CMC4: variants seen among roughly 807,000 people sequenced by gnomAD.
The protein encoded by CMC4 is C-X9-C motif containing 4.
CMC4 carries 4 observed loss-of-function variants against 5.1 expected under a neutral mutation model. That is an observed-to-expected ratio of 0.78 (90% CI 0.38 to 1.78). The LOEUF (loss-of-function observed/expected upper bound fraction) is 1.78. Among genes scored for constraint, CMC4 ranks in the 40% most tolerant of loss-of-function variants. The probability of loss-of-function intolerance (pLI) is 0.04; values close to 1 mark genes in which losing one functional copy is unlikely to be tolerated. For missense variants in CMC4, 52 were observed against 51.3 expected, an observed-to-expected ratio of 1.01 and a Z score of -0.04; for synonymous variants, 23 against 18.9, an observed-to-expected ratio of 1.22 and a Z score of -0.57.
At chrX:155,063,527 A>G (rs2073936305) in intron 2 of CMC4, among the ~76,000 whole-genome samples, 1 of 112,344 alleles carries the variant, frequency 8.9e-6, no homozygotes, top group South Asian at 3.6e-4. Flanking sequence ...TTCTGCCTTT[A>G]AGAGTTAGTT....
chrX:155,065,677 G>T (rs2124213429), intron 1 of CMC4: 1 of 1,209,665 alleles, frequency 8.3e-7, no homozygotes, highest in East Asian at 3.0e-5. Context: ...GCGCTCCTCC[G>T]GGTAGAGTTG....
chrX:155,067,543 G>A (rs2073953426), intron 1 of CMC4, among the ~76,000 whole-genome samples: 2 of 111,583 alleles, frequency 1.8e-5, no homozygotes, highest in Non-Finnish European at 3.8e-5. Context: ...TGCCTCCCTG[G>A]GCCTCTCTGC....
intron 1 of CMC4, chrX:155,064,922 A>C (rs2124212496): frequency 8.6e-6 from 1 of 116,325 alleles, no homozygotes; most frequent in South Asian, 3.3e-4. Flanking sequence ...CTGGAGCAAA[A>C]CCTAGGATAT....
chrX:155,070,344 G>A (rs1171987279), intron 1 of CMC4, among the ~76,000 whole-genome samples: 1 of 112,163 alleles, frequency 8.9e-6, no homozygotes, highest in African/African-American at 3.2e-5. Flanking sequence ...CATATATTGT[G>A]CTTTGATTTA....
intron 1 of CMC4, chrX:155,064,285 A>G (rs2073940256): frequency 4.5e-6 from 1 of 224,579 alleles, no homozygotes; most frequent in Non-Finnish European, 8.0e-6. Flanking sequence ...CTTTTTGAAT[A>G]CTGTAAACCA....
At chrX:155,063,126 T>C (rs2073934713) in intron 2 of CMC4, among the ~76,000 whole-genome samples, 1 of 112,420 alleles carries the variant, frequency 8.9e-6, no homozygotes. Context: ...TTGACTAAAA[T>C]GGCATTATTA....
At chrX:155,063,543 C>G (rs1557291776) in intron 2 of CMC4, among the ~76,000 whole-genome samples, 1 of 112,223 alleles carries the variant, frequency 8.9e-6, no homozygotes, top group East Asian at 2.8e-4. Context: ...TAGTTGATGA[C>G]TTTGGCAGCC....
chrX:155,064,314 C>T (rs1237685357), intron 1 of CMC4: 11 of 184,773 alleles, frequency 6.0e-5, no homozygotes, highest in Non-Finnish European at 3.0e-5. Flanking sequence ...CTAGAGGAGC[C>T]GACGGCGCAG....
At chrX:155,067,451 C>G (rs2073953067) in intron 1 of CMC4, among the ~76,000 whole-genome samples, 1 of 111,810 alleles carries the variant, frequency 8.9e-6, no homozygotes, top group Admixed American at 9.5e-5. Flanking sequence ...ACAACTACCA[C>G]TGCAGTTGAG....
intron 1 of CMC4, among the ~76,000 whole-genome samples, chrX:155,068,061 A>C (rs1199524807): frequency 8.9e-6 from 1 of 112,428 alleles, no homozygotes; most frequent in African/African-American, 3.2e-5. Context: ...TTAAATTCGG[A>C]TTTCAAGCAC....
intron 1 of CMC4, chrX:155,064,310 G>A: frequency 1.0e-5 from 2 of 192,143 alleles, no homozygotes; most frequent in African/African-American, 2.9e-5. Flanking sequence ...TAGGCTAGAG[G>A]AGCCGACGGC....
rs1320479515 is a variant in CMC4, at chrX:155,070,743, G to A, written c.-60C>T. The stretch of plus-strand genomic sequence containing the variant: ...ATTAATCCGCCTTGAGAACAGCTAG[G>A]CTAAAACTTCCAGGTCTCCCACCCT... On this transcript the variant is annotated 5_prime_UTR_variant, in exon 1 of 3. Coordinates refer to ENST00000369484, the MANE Select transcript of CMC4 (RefSeq NM_001018024.3). 2.7e-5 allele frequency: 3 copies of A among 111,891 alleles called. No homozygotes were observed. Among genetic ancestry groups the A allele is most frequent in the African/African-American group, 9.8e-5 (3 of 30,729 alleles). 9.2% of individuals were successfully genotyped at this position (111,891 alleles called of 1,213,427 possible).
chrX:155,064,124 T>C (rs2073939602), intron 1 of CMC4, 91 bp from the exon 2 acceptor site: 1 of 567,713 alleles, frequency 1.8e-6, no homozygotes, highest in African/African-American at 2.3e-5. Context: ...ACAAGCAGTA[T>C]ATGCCCTTAC....
At chrX:155,068,348 A>G (rs1456668296) in intron 1 of CMC4, among the ~76,000 whole-genome samples, 1 of 112,587 alleles carries the variant, frequency 8.9e-6, no homozygotes, top group Non-Finnish European at 1.9e-5. Context: ...TCTCAGAAGA[A>G]AGGCAGTGTG....
At chrX:155,070,210 C>A (rs782538152) in intron 1 of CMC4, among the ~76,000 whole-genome samples, 3 of 112,054 alleles carry the variant, frequency 2.7e-5, no homozygotes, top group Non-Finnish European at 3.8e-5. Flanking sequence ...AGCATCAACA[C>A]TTCAAGTAGC....
chrX:155,065,176 C>T (rs1569560354), intron 1 of CMC4: 1 of 314,021 alleles, frequency 3.2e-6, no homozygotes. Context: ...AGTTACGGAT[C>T]CTGACTAAGT....
chrX:155,066,274 C>T (rs2073947868), intron 1 of CMC4, among the ~76,000 whole-genome samples: 1 of 112,556 alleles, frequency 8.9e-6, no homozygotes, highest in Admixed American at 9.4e-5. Context: ...GACTGCAAAG[C>T]GCTCAAGAAT....
intron 2 of CMC4, 136 bp downstream of exon 2, chrX:155,063,830 A>T (rs1382281929): frequency 1.9e-6 from 1 of 514,789 alleles, no homozygotes; most frequent in African/African-American, 2.5e-5. Context: ...TTGATGATAC[A>T]ATGAAGAGAA....
chrX:155,063,879 A>G, intron 2 of CMC4, 87 bp downstream of exon 2: 1 of 686,627 alleles, frequency 1.5e-6, no homozygotes, highest in Admixed American at 3.5e-5. Context: ...TTCTTAAAAA[A>G]GAGTTAATAC....
Sources: gnomAD v4.1 joint callset for allele counts (sites outside exome capture counted in the v4.1 genomes callset) on GRCh38, gnomAD v4.1.1 for gene constraint, MANE v1.5 for transcripts, NCBI Gene and HGNC (gene_info 2026-07-23, HGNC 2026-07-21) for gene names.